The following SGIP1 variants were observed in gnomAD, a reference collection of about 807,000 sequenced individuals.
SGIP1 encodes SH3GL interacting endocytic adaptor 1.
A neutral mutation model predicts 107.5 loss-of-function variants in SGIP1; 38 were observed. That is an observed-to-expected ratio of 0.35 (90% CI 0.27 to 0.46). SGIP1 has a LOEUF of 0.46. Ranked by LOEUF, SGIP1 falls within the 20% of genes least tolerant of loss-of-function variation. The probability of loss-of-function intolerance (pLI) is 1.00; values close to 1 mark genes in which losing one functional copy is unlikely to be tolerated. For synonymous variants in SGIP1, 365 were observed against 366.1 expected (o/e 1.00, Z 0.03); for missense variants, 929 against 1,019.5 (o/e 0.91, Z 1.21).
chr1:66,673,990 C>A (rs1337492470), intron 12 of SGIP1, among the ~76,000 whole-genome samples: 1 of 71,796 alleles, frequency 1.4e-5, no homozygotes, highest in Admixed American at 1.8e-4. Context: ...CATACGGAGA[C>A]CCCCATCTCT....
Position 66,619,736 on chromosome 1 carries a change from G to A in SGIP1, c.11-6111G>A, listed in dbSNP as rs528098296. Among the ~76,000 whole-genome samples, 307 of 152,292 alleles carry A rather than the reference G, an allele frequency of 2.0e-3. 4 individuals carry two copies. The South Asian group carries it at 0.03, about 15-fold the overall frequency. On this transcript the variant is annotated intron_variant, in intron 1 of 24. Transcript: ENST00000371037. The stretch of plus-strand genomic sequence containing the variant: ...AGCATCATGGGTTAAGGCCAGCAGC[G>A]TCTTGTGTCTGGTCCTCAGTTTCTG...
intron 1 of SGIP1, chr1:66,615,800 A>T (rs149689267): frequency 6.6e-6 from 1 of 152,328 alleles, no homozygotes; most frequent in Non-Finnish European, 1.5e-5. Flanking sequence ...AAAATAAATG[A>T]CTGTAGTGTG....
upstream of SGIP1, chr1:66,533,565 T>C (rs2052875142): frequency 6.6e-6 from 1 of 152,068 alleles, no homozygotes; most frequent in Non-Finnish European, 1.5e-5. Context: ...CGGATTGATT[T>C]TTCTCTCTTG....
At chr1:66,550,335 C>G (rs371493212) in intron 1 of SGIP1, among the ~76,000 whole-genome samples, 1 of 152,118 alleles carries the variant, frequency 6.6e-6, no homozygotes, top group East Asian at 1.9e-4. Flanking sequence ...GGCAATAGCC[C>G]TGAATCACCT....
Position 66,741,277 on chromosome 1 carries a change from G to A in SGIP1, c.2305G>A (p.Gly769Ser). Residue 769 changes from glycine to serine, a missense_variant, in exon 24 of 25, where the codon GGT (glycine) becomes AGT (serine). Physicochemically the swap from Gly to Ser is moderately conservative, Grantham distance 56. Transcript: ENST00000371037. ...AATAATGTGTTTTTTTTTAGGGGTGGGTTCTTTGTTGGCAAGATTTCAGTT... is the reference window on the plus strand; with the variant it reads ...AATAATGTGTTTTTTTTTAGGGGTGAGTTCTTTGTTGGCAAGATTTCAGTT... ...ISQKSENGGVGSLLARFQLSE... is the reference protein window; with the variant it reads ...ISQKSENGGVSSLLARFQLSE... The A allele has an allele frequency of 6.3e-7, 1 of 1,576,034 alleles. No homozygotes were observed. The highest frequency in any genetic ancestry group is 2.3e-5 in the East Asian group (1 of 43,734).
chr1:66,606,909 T>G (rs1217838022), intron 1 of SGIP1, among the ~76,000 whole-genome samples: 1 of 152,180 alleles, frequency 6.6e-6, no homozygotes, highest in Non-Finnish European at 1.5e-5. Context: ...ATTTATAGCT[T>G]TTATTAGATT....
intron 19 of SGIP1, among the ~76,000 whole-genome samples, chr1:66,727,486 G>C (rs1055819925): frequency 6.6e-6 from 1 of 152,064 alleles, no homozygotes; most frequent in African/African-American, 2.4e-5. Context: ...CAGTTTCTTT[G>C]AGAGTCTACA....
At chr1:66,566,224 T>G (rs7537440) in intron 1 of SGIP1, among the ~76,000 whole-genome samples, 74,896 of 151,712 alleles carry the variant, frequency 0.49, 19,171 homozygotes, top group South Asian at 0.78. Flanking sequence ...TCTGTCAGTT[T>G]ATTTGCTATT....
At chr1:66,551,214 A>G (rs549894016) in intron 1 of SGIP1, among the ~76,000 whole-genome samples, 1 of 152,244 alleles carries the variant, frequency 6.6e-6, no homozygotes, top group Admixed American at 6.5e-5. Context: ...TTTACTTTGT[A>G]GTTTTCTGTG....
intron 23 of SGIP1, 58 bp from the exon 24 acceptor site, chr1:66,741,214 A>C: frequency 6.7e-7 from 1 of 1,483,142 alleles, no homozygotes; most frequent in Non-Finnish European, 9.0e-7. Flanking sequence ...GCAACCTCCA[A>C]AATTATATCC....
At chr1:66,627,816 G>C (rs949263604) in intron 2 of SGIP1, among the ~76,000 whole-genome samples, 2 of 152,016 alleles carry the variant, frequency 1.3e-5, no homozygotes, top group Non-Finnish European at 2.9e-5. Flanking sequence ...TGTTACATAT[G>C]TATACATGTG....
At chr1:66,623,167 C>A (rs1222476718) in intron 1 of SGIP1, among the ~76,000 whole-genome samples, 1 of 152,068 alleles carries the variant, frequency 6.6e-6, no homozygotes, top group East Asian at 1.9e-4. Context: ...ACTTTCATAA[C>A]TTCATTTGCT....
chr1:66,712,444 A>T (rs74576481), intron 18 of SGIP1, among the ~76,000 whole-genome samples: 1 of 152,204 alleles, frequency 6.6e-6, no homozygotes, highest in Non-Finnish European at 1.5e-5. Context: ...CTCACTGCAC[A>T]TGATTGGCGG....
chr1:66,690,100 C>CA, intron 16 of SGIP1, 90 bp from the exon 17 acceptor site: 1 of 1,461,432 alleles, frequency 6.8e-7, no homozygotes, highest in South Asian at 1.3e-5. Context: ...CCTAAGTTGT[C>CA]ATATCTGGGG....
At chr1:66,615,891 T>C (rs1198992456) in intron 1 of SGIP1, 3 of 152,162 alleles carry the variant, frequency 2.0e-5, no homozygotes, top group Non-Finnish European at 4.4e-5. Context: ...ATTTACCTAG[T>C]GTTTAAAGTA....
At chr1:66,595,816 A>G (rs1387491335) in intron 1 of SGIP1, among the ~76,000 whole-genome samples, 1 of 152,232 alleles carries the variant, frequency 6.6e-6, no homozygotes, top group Non-Finnish European at 1.5e-5. Flanking sequence ...GAAAAGGCGA[A>G]TCTCAAAATG....
intron 8 of SGIP1, among the ~76,000 whole-genome samples, chr1:66,662,930 T>C (rs1208862621): frequency 6.6e-6 from 1 of 152,188 alleles, no homozygotes; most frequent in Non-Finnish European, 1.5e-5. Flanking sequence ...TACTGAGAGC[T>C]TATTATGTAT....
intron 1 of SGIP1, among the ~76,000 whole-genome samples, chr1:66,536,118 C>A (rs879566929): frequency 7.2e-5 from 11 of 152,204 alleles, no homozygotes; most frequent in Non-Finnish European, 1.2e-4. Flanking sequence ...CTGTGATAAG[C>A]TTATCCAGGC....
chr1:66,552,380 T>C (rs537407896), intron 1 of SGIP1, among the ~76,000 whole-genome samples: 3 of 152,226 alleles, frequency 2.0e-5, no homozygotes, highest in South Asian at 4.1e-4. Context: ...TCACCTTTCT[T>C]TTCTGCACTG....
Sources: gnomAD v4.1 joint callset for allele counts (sites outside exome capture counted in the v4.1 genomes callset) on GRCh38, gnomAD v4.1.1 for gene constraint, MANE v1.5 for transcripts, NCBI Gene and HGNC (gene_info 2026-07-23, HGNC 2026-07-21) for gene names.